LTBP1: variants seen among roughly 807,000 people sequenced by gnomAD.
LTBP1 encodes the protein latent-transforming growth factor beta-binding protein 1.
Under a neutral mutation model 207.6 loss-of-function variants are expected in LTBP1, and 129 were observed. That is an observed-to-expected ratio of 0.62 (90% CI 0.54 to 0.72). The LOEUF (loss-of-function observed/expected upper bound fraction) is 0.72, where lower values mean the gene tolerates loss of function less well. LTBP1 is among the 30% of genes least tolerant of loss of function. LTBP1 has a pLI of 0.00. For missense variants in LTBP1, 2,281 were observed against 2,217.2 expected (o/e 1.03, Z -0.58); for synonymous variants, 963 against 833.7 (o/e 1.16, Z -2.67).
rs1021961593 is a variant in LTBP1 at position 32,947,534 on chromosome 2, C to T, written c.210C>T (p.Gly70=). 1.3e-5 allele frequency: 18 copies of T among 1,388,094 alleles called. No homozygotes were observed. Among genetic ancestry groups the T allele is most frequent in the Non-Finnish European group, 1.5e-5 (16 of 1,073,268 alleles). The allele number at this position is 1,388,094 out of a possible 1,614,324, so 86.0% of individuals were successfully genotyped here. ...ACAGCCGCAGCTCGGCGGCTGCCGGCGCCCCCAGCCGTGCCTCCCCCGGGG... is the reference window on the plus strand; with the variant it reads ...ACAGCCGCAGCTCGGCGGCTGCCGGTGCCCCCAGCCGTGCCTCCCCCGGGG... ...ARYSRSSAAA[G]APSRASPGVP... The change falls in exon 1 of 34, where the codon GGC becomes GGT. Residue 70 remains glycine (G), a synonymous_variant. Transcript: ENST00000404816.
chr2:32,954,555 C>CG (rs926839487), intron 2 of LTBP1, among the ~76,000 whole-genome samples: 3 of 151,196 alleles, frequency 2.0e-5, no homozygotes, highest in African/African-American at 7.3e-5. Context: ...CCCGCCCCCC[C>CG]CCACCAATGA....
At chr2:33,059,777 A>C (rs980824435) in intron 3 of LTBP1, among the ~76,000 whole-genome samples, 3 of 152,228 alleles carry the variant, frequency 2.0e-5, no homozygotes, top group Non-Finnish European at 4.4e-5. Flanking sequence ...ACTAACTCTG[A>C]AGTGAAATTT....
At chr2:33,119,099 C>A (rs2080953940) in intron 4 of LTBP1, among the ~76,000 whole-genome samples, 1 of 151,814 alleles carries the variant, frequency 6.6e-6, no homozygotes, top group South Asian at 2.1e-4. Flanking sequence ...AAGGACATTT[C>A]TGGGTGTTGA....
chr2:33,204,774 A>G (rs2149166582), intron 7 of LTBP1, among the ~76,000 whole-genome samples: 1 of 152,262 alleles, frequency 6.6e-6, no homozygotes, highest in Middle Eastern at 3.4e-3. Flanking sequence ...AAGACAATGC[A>G]TTTTTAGAAA....
intron 3 of LTBP1, among the ~76,000 whole-genome samples, chr2:33,062,787 C>T (rs2077330258): frequency 6.6e-6 from 1 of 152,144 alleles, no homozygotes; most frequent in Admixed American, 6.5e-5. Context: ...ATCTGATAAC[C>T]AAGATAGCTA....
chr2:33,378,185 A>ATATGTGTG (rs1331153833), intron 31 of LTBP1, among the ~76,000 whole-genome samples: 1 of 131,930 alleles, frequency 7.6e-6, no homozygotes, highest in East Asian at 2.5e-4. Context: ...ATATATATAT[A>ATATGTGTG]TGTGTGTGTG....
intron 9 of LTBP1, among the ~76,000 whole-genome samples, chr2:33,233,631 C>G (rs780476777): frequency 2.6e-5 from 4 of 152,032 alleles, no homozygotes; most frequent in Non-Finnish European, 5.9e-5. Context: ...TTCTGTCTAG[C>G]AATTTTATGG....
chr2:33,091,251 A>G (rs1460763864), intron 3 of LTBP1, among the ~76,000 whole-genome samples: 3 of 152,032 alleles, frequency 2.0e-5, no homozygotes, highest in South Asian at 4.2e-4. Context: ...GACACTTCCT[A>G]TATTTCTGGT....
chr2:32,991,161 C>T (rs557031265), intron 2 of LTBP1, among the ~76,000 whole-genome samples: 21 of 152,230 alleles, frequency 1.4e-4, no homozygotes, highest in African/African-American at 2.9e-4. Context: ...CAAAAAGTTA[C>T]GAAACAGAAG....
intron 3 of LTBP1, among the ~76,000 whole-genome samples, chr2:33,058,870 A>G (rs2077134171): frequency 6.6e-6 from 1 of 152,238 alleles, no homozygotes; most frequent in Non-Finnish European, 1.5e-5. Context: ...AGAAGTGCTG[A>G]ATATGACCTG....
At chr2:33,158,190 A>G (rs985190704) in intron 5 of LTBP1, among the ~76,000 whole-genome samples, 1 of 151,774 alleles carries the variant, frequency 6.6e-6, no homozygotes, top group African/African-American at 2.4e-5. Context: ...ATATATATGC[A>G]TAAAACAGAG....
intron 2 of LTBP1, among the ~76,000 whole-genome samples, chr2:32,967,847 C>T (rs759145434): frequency 2.6e-5 from 4 of 152,134 alleles, no homozygotes; most frequent in African/African-American, 7.2e-5. Context: ...TTGATGGTTA[C>T]GTTGAATTCC....
chr2:33,218,345 A>G (rs2090866376), intron 8 of LTBP1, among the ~76,000 whole-genome samples: 1 of 152,198 alleles, frequency 6.6e-6, no homozygotes, highest in Admixed American at 6.5e-5. Context: ...AATAATTTGT[A>G]CCTTTAGTTT....
At chr2:33,393,081 C>T (rs967503288) in intron 32 of LTBP1, among the ~76,000 whole-genome samples, 3 of 151,466 alleles carry the variant, frequency 2.0e-5, no homozygotes, top group African/African-American at 7.3e-5. Context: ...TTCAGGGGTA[C>T]ATATAAAGGT....
At chr2:32,994,756 C>T (rs370319547) in intron 2 of LTBP1, among the ~76,000 whole-genome samples, 7 of 152,300 alleles carry the variant, frequency 4.6e-5, no homozygotes, top group South Asian at 2.1e-4. Flanking sequence ...CGTGAGCCAC[C>T]GCGCCTGGCC....
chr2:33,321,166 C>A (rs2094348336), intron 24 of LTBP1, among the ~76,000 whole-genome samples: 1 of 151,964 alleles, frequency 6.6e-6, no homozygotes, highest in Non-Finnish European at 1.5e-5. Context: ...TTGAGCACTG[C>A]AAGACTGGAA....
chr2:33,220,788 C>T (rs756108812), intron 8 of LTBP1, among the ~76,000 whole-genome samples: 1 of 152,238 alleles, frequency 6.6e-6, no homozygotes, highest in Non-Finnish European at 1.5e-5. Flanking sequence ...GAGGGACTCC[C>T]ACACGCCCAT....
intron 31 of LTBP1, among the ~76,000 whole-genome samples, chr2:33,376,230 C>G (rs542753055): frequency 2.0e-5 from 3 of 152,282 alleles, no homozygotes; most frequent in African/African-American, 7.2e-5. Context: ...AATCCTCATT[C>G]AACTTAAAAT....
intron 19 of LTBP1, among the ~76,000 whole-genome samples, chr2:33,281,073 A>T (rs898122574): frequency 2.0e-5 from 3 of 152,154 alleles, no homozygotes; most frequent in African/African-American, 7.2e-5. Context: ...TGTCTCTAAA[A>T]TATGAAACAA....
Sources: allele counts gnomAD v4.1 joint callset (sites outside exome capture counted in the v4.1 genomes callset), GRCh38; gene constraint gnomAD v4.1.1; transcripts MANE v1.5; gene names NCBI Gene and HGNC (gene_info 2026-07-23, HGNC 2026-07-21).